SORCS2: variants seen among roughly 807,000 people sequenced by gnomAD.
SORCS2 encodes the protein VPS10 domain-containing receptor SorCS2.
SORCS2 carries 100 observed loss-of-function variants against 141.6 expected under a neutral mutation model. That is an observed-to-expected ratio of 0.71 (90% CI 0.60 to 0.83). The LOEUF (loss-of-function observed/expected upper bound fraction) is 0.83, where lower values mean the gene tolerates loss of function less well. SORCS2 is among the 40% of genes least tolerant of loss of function. The pLI is 0.00. For synonymous variants in SORCS2, 789 were observed against 676.9 expected, an observed-to-expected ratio of 1.17 and a Z score of -2.57; for missense variants, 1,646 against 1,560.2, an observed-to-expected ratio of 1.05 and a Z score of -0.93.
intron 4 of SORCS2, 47 bp downstream of exon 4, chr4:7,638,539 G>T: frequency 1.3e-6 from 2 of 1,563,092 alleles, no homozygotes; most frequent in East Asian, 2.4e-5. Flanking sequence ...GCTGGGGTCT[G>T]CTCGACCCAC....
In SORCS2 at chr4:7,488,742, G is replaced by A. The variant is rs376545621; in HGVS notation, c.549-42788G>A. 2.0e-4 allele frequency among the ~76,000 whole-genome samples: 31 copies of A among 152,320 alleles called. 1 individual carries two copies. Among genetic ancestry groups the A allele is most frequent in the African/African-American group, 7.2e-4 (30 of 41,570 alleles). On this transcript the variant is annotated intron_variant, in intron 2 of 26. Transcript: ENST00000507866. ...GTCACTGGCCATGGCAGACATGGCCGCCCTATTGTCCGCAGTCAAATACAT... is the reference window on the plus strand; with the variant it reads ...GTCACTGGCCATGGCAGACATGGCCACCCTATTGTCCGCAGTCAAATACAT...
chr4:7,324,265 C>T lies in SORCS2; in HGVS notation c.481-72023C>T, dbSNP rs367848646. Among the ~76,000 whole-genome samples the T allele has an allele frequency of 2.3e-4, 35 of 152,344 alleles. No individual in the cohort carries two copies. The South Asian group carries it at 6.8e-3, about 30-fold the overall frequency. On this transcript the variant is annotated intron_variant, in intron 1 of 26. Coordinates refer to ENST00000507866, the MANE Select transcript of SORCS2 (RefSeq NM_020777.3). ...GGTGTCTTGCAATGGTGGCCTATCACGTAGCTGGTGGTGAGGCAGGTGGCT... is the reference window on the plus strand; with the variant it reads ...GGTGTCTTGCAATGGTGGCCTATCATGTAGCTGGTGGTGAGGCAGGTGGCT...
intron 2 of SORCS2, among the ~76,000 whole-genome samples, chr4:7,477,230 C>G (rs184918647): frequency 7.3e-5 from 11 of 151,652 alleles, no homozygotes; most frequent in Admixed American, 5.3e-4. Flanking sequence ...TGGGAATAGC[C>G]TGAGTCATTC....
At chr4:7,553,482 T>C (rs1210516434) in intron 3 of SORCS2, among the ~76,000 whole-genome samples, 1 of 152,262 alleles carries the variant, frequency 6.6e-6, no homozygotes, top group African/African-American at 2.4e-5. Context: ...TATACCCAGC[T>C]AAGCTGTCAT....
chr4:7,218,305 T>C (rs1292870696), intron 1 of SORCS2, among the ~76,000 whole-genome samples: 1 of 152,174 alleles, frequency 6.6e-6, no homozygotes, highest in Non-Finnish European at 1.5e-5. Context: ...ATCGCCTTCT[T>C]CTCCTCGATC....
In SORCS2 at chr4:7,634,097, G is replaced by A. The variant is rs187149009; in HGVS notation, c.649-4231G>A. ...TGCAGAACTTTGGGAGGGACAGGCCGGGCACCGTGGCTCATGCCTTAATCC... is the reference window on the plus strand; with the variant it reads ...TGCAGAACTTTGGGAGGGACAGGCCAGGCACCGTGGCTCATGCCTTAATCC... On this transcript the variant is annotated intron_variant, in intron 3 of 26. Coordinates refer to ENST00000507866, the MANE Select transcript of SORCS2 (RefSeq NM_020777.3). 2.8e-3 allele frequency among the ~76,000 whole-genome samples: 174 copies of A among 62,350 alleles called. 28 individuals are homozygous for A. Among genetic ancestry groups the A allele is most frequent in the African/African-American group, 5.9e-3 (166 of 28,302 alleles). The allele number at this position is 62,350 out of a possible 152,430, so 40.9% of individuals were successfully genotyped here. A position where few individuals can be genotyped will look rare whatever the true frequency, so the allele number is the denominator to read the frequency against.
intron 1 of SORCS2, among the ~76,000 whole-genome samples, chr4:7,222,007 G>A (rs1380397781): frequency 6.6e-6 from 1 of 152,122 alleles, no homozygotes; most frequent in African/African-American, 2.4e-5. Flanking sequence ...TGGAGAAAAT[G>A]GAGCAAGTGA....
At chr4:7,673,361 G>A (rs1722904902) in intron 8 of SORCS2, among the ~76,000 whole-genome samples, 1 of 152,206 alleles carries the variant, frequency 6.6e-6, no homozygotes, top group Admixed American at 6.5e-5. Flanking sequence ...TCTGTGTCTA[G>A]AAATGTTCAT....
intron 19 of SORCS2, 50 bp from the exon 20 acceptor site, chr4:7,725,104 T>C: frequency 6.3e-7 from 1 of 1,575,456 alleles, no homozygotes; most frequent in Non-Finnish European, 8.6e-7. Flanking sequence ...GCCTCTGAAA[T>C]GCCCCATGCC....
chr4:7,544,153 C>T (rs577140639), intron 3 of SORCS2, among the ~76,000 whole-genome samples: 1 of 152,172 alleles, frequency 6.6e-6, no homozygotes, highest in African/African-American at 2.4e-5. Flanking sequence ...TCTGCCCATC[C>T]ATCCACTCAT....
chr4:7,605,163 A>AG (rs1717982254), intron 3 of SORCS2, among the ~76,000 whole-genome samples: 1 of 152,096 alleles, frequency 6.6e-6, no homozygotes, highest in Non-Finnish European at 1.5e-5. Flanking sequence ...CACTTCCAAC[A>AG]AGGTCCAGAG....
Position 7,676,824 on chromosome 4 carries a change from T to TCTCTCTCTCTCTCTCC in SORCS2, c.1341+600_1341+601insTCTCTCTCTCCCTCTC, listed in dbSNP as rs765132758. Among the ~76,000 whole-genome samples the TCTCTCTCTCTCTCTCC allele has an allele frequency of 4.4e-3, 215 of 49,084 alleles. 24 individuals carry two copies. Among genetic ancestry groups the TCTCTCTCTCTCTCTCC allele is most frequent in the African/African-American group, 0.013 (149 of 11,302 alleles). 32.2% of individuals were successfully genotyped at this position (49,084 alleles called of 152,430 possible). Reference sequence around the variant, plus strand: ...TTCTGTCTCTCTCTCTCTCTCTCTCTCTCTCCCTCTCTCCACCCCAGCCCT... The same window carrying TCTCTCTCTCTCTCTCC: ...TTCTGTCTCTCTCTCTCTCTCTCTCTCTCTCTCTCTCTCTCCCTCTCCCTCTCTCCACCCCAGCCCT... On this transcript the variant is annotated intron_variant, in intron 9 of 26. Transcript: ENST00000507866.
At chr4:7,652,187 C>T (rs2108894627) in intron 4 of SORCS2, among the ~76,000 whole-genome samples, 1 of 152,318 alleles carries the variant, frequency 6.6e-6, no homozygotes, top group Non-Finnish European at 1.5e-5. Context: ...GGCTTCCCTC[C>T]TGCCAGAGGA....
chr4:7,412,230 C>T (rs1725367186), intron 2 of SORCS2, among the ~76,000 whole-genome samples: 1 of 152,216 alleles, frequency 6.6e-6, no homozygotes, highest in Non-Finnish European at 1.5e-5. Flanking sequence ...CTCCTTTCCT[C>T]CCCTGCATCC....
chr4:7,295,188 C>T (rs1183130612), intron 1 of SORCS2, among the ~76,000 whole-genome samples: 2 of 101,066 alleles, frequency 2.0e-5, no homozygotes, highest in African/African-American at 8.6e-5. Flanking sequence ...TAGCCCCAGC[C>T]CCCTCTTCTT....
intron 3 of SORCS2, among the ~76,000 whole-genome samples, chr4:7,552,835 G>A (rs769350730): frequency 6.6e-6 from 1 of 152,186 alleles, no homozygotes; most frequent in Non-Finnish European, 1.5e-5. Flanking sequence ...GTGTGGAGGG[G>A]CCTCTGGAGA....
chr4:7,275,002 T>C (rs1715398092), intron 1 of SORCS2, among the ~76,000 whole-genome samples: 1 of 152,236 alleles, frequency 6.6e-6, no homozygotes, highest in Non-Finnish European at 1.5e-5. Flanking sequence ...TATCAGCACC[T>C]GGGCTGTCAC....
intron 2 of SORCS2, among the ~76,000 whole-genome samples, chr4:7,500,646 A>C (rs1279614066): frequency 1.7e-5 from 2 of 120,004 alleles, no homozygotes; most frequent in Non-Finnish European, 3.2e-5. Flanking sequence ...CTGGAGAAAT[A>C]ACCACAGAGA....
chr4:7,679,334 T>C (rs1302400206), intron 9 of SORCS2, among the ~76,000 whole-genome samples: 1 of 152,150 alleles, frequency 6.6e-6, no homozygotes, highest in Admixed American at 6.5e-5. Flanking sequence ...CCACAAGGCA[T>C]CCTAATGGGC....
Sources: allele counts gnomAD v4.1 joint callset (sites outside exome capture counted in the v4.1 genomes callset), GRCh38; gene constraint gnomAD v4.1.1; transcripts MANE v1.5; gene names NCBI Gene and HGNC (gene_info 2026-07-23, HGNC 2026-07-21).